Variants in SLF2 observed in about 807,000 individuals in gnomAD.
The protein encoded by SLF2 is SMC5/6 complex localization factor 2, also known as SMC5-SMC6 complex localization factor protein 2.
SLF2 carries 68 observed loss-of-function variants against 124.3 expected under a neutral mutation model. That is an observed-to-expected ratio of 0.55 (90% CI 0.45 to 0.67). The LOEUF (loss-of-function observed/expected upper bound fraction) is 0.67, where lower values mean the gene tolerates loss of function less well. SLF2 is among the 30% of genes least tolerant of loss of function. The probability of loss-of-function intolerance (pLI) is 0.00; values close to 1 mark genes in which losing one functional copy is unlikely to be tolerated. For synonymous variants in SLF2, 480 were observed against 478.8 expected (o/e 1.00, Z -0.03); for missense variants, 1,246 against 1,373.7 (o/e 0.91, Z 1.47).
At chr10:100,920,142 A>G (rs1037871187) in intron 4 of SLF2, among the ~76,000 whole-genome samples, 1 of 152,246 alleles carries the variant, frequency 6.6e-6, no homozygotes, top group African/African-American at 2.4e-5. Flanking sequence ...GGAATTTCTC[A>G]GCCAGGAGAT....
rs1850114478 is a variant in SLF2, at chr10:100,946,854, T to A, written c.2935-185T>A. ...TCTGTTCAGTCCATTTAAGATAGTATAAGTAAAACTGAATCTGTGTATTGT... is the reference window on the plus strand; with the variant it reads ...TCTGTTCAGTCCATTTAAGATAGTAAAAGTAAAACTGAATCTGTGTATTGT... On this transcript the variant is annotated intron_variant, in intron 13 of 19. Transcript: ENST00000238961. Among the ~76,000 whole-genome samples the A allele has an allele frequency of 2.0e-5, 3 of 152,252 alleles. No homozygotes were observed. In the South Asian group the frequency reaches 6.2e-4, roughly 31 times the overall value.
intron 1 of SLF2, 197 bp downstream of exon 1, chr10:100,913,447 G>T: frequency 7.6e-7 from 1 of 1,324,394 alleles, no homozygotes; most frequent in Non-Finnish European, 9.6e-7. Flanking sequence ...TAGTTGGGCA[G>T]CTGCTCTTGG....
chr10:100,917,710 G>A (rs1849444977), intron 3 of SLF2, among the ~76,000 whole-genome samples: 1 of 152,044 alleles, frequency 6.6e-6, no homozygotes, highest in South Asian at 2.1e-4. Context: ...CCAAGTAGTC[G>A]AGACTCCAGG....
intron 18 of SLF2, among the ~76,000 whole-genome samples, chr10:100,957,199 C>G (rs575894289): frequency 7.2e-5 from 11 of 152,074 alleles, no homozygotes; most frequent in African/African-American, 2.4e-4. Flanking sequence ...TAAATAAATA[C>G]GTAAGTTATG....
At chr10:100,944,251 T>A in intron 12 of SLF2, 123 bp downstream of exon 12, 1 of 554,310 alleles carries the variant, frequency 1.8e-6, no homozygotes, top group Non-Finnish European at 3.1e-6. Context: ...ATCCCAGCAC[T>A]TTGGGAGGCC....
At chr10:100,913,570 T>G in intron 1 of SLF2, 1 of 1,203,070 alleles carries the variant, frequency 8.3e-7, no homozygotes, top group Non-Finnish European at 1.0e-6. Flanking sequence ...AATGCATATT[T>G]AGATCGTTTT....
At chr10:100,954,802 T>A (rs1032701494) in intron 17 of SLF2, among the ~76,000 whole-genome samples, 5 of 152,052 alleles carry the variant, frequency 3.3e-5, no homozygotes, top group Non-Finnish European at 5.9e-5. Flanking sequence ...ACTAGCTAAG[T>A]GTGGTGGCAC....
At chr10:100,923,103 C>A (rs1326235144) in intron 4 of SLF2, among the ~76,000 whole-genome samples, 1 of 152,070 alleles carries the variant, frequency 6.6e-6, no homozygotes, top group Non-Finnish European at 1.5e-5. Context: ...AAAACTGGTT[C>A]ATTCAAATGT....
chr10:100,917,474 C>T lies in SLF2; in HGVS notation c.915+174C>T, dbSNP rs554665831. On this transcript the variant is annotated intron_variant, in intron 3 of 19. Transcript: ENST00000238961. ...TACATTTCCTCCAGTTGCCCTTCAT[C>T]GAACTCAGTAAAGCAGTGTTTCTTA... Among the ~76,000 whole-genome samples the T allele has an allele frequency of 5.3e-5, 8 of 152,268 alleles. No individual in the cohort carries two copies. In the South Asian group the frequency reaches 1.2e-3, roughly 24 times the overall value.
Position 100,924,983 on chromosome 10 carries a change from C to T in SLF2, c.1971+11C>T, listed in dbSNP as rs772462792. The stretch of plus-strand genomic sequence containing the variant: ...TCATCAGACTATACAGTAAGTAGTT[C>T]TGTGACGTTTATCTTTACTTGAAGA... On this transcript the variant is annotated intron_variant, in intron 5 of 19. Transcript: ENST00000238961. The T allele has an allele frequency of 6.3e-7, 1 of 1,588,034 alleles. No individual in the cohort carries two copies. Among genetic ancestry groups the T allele is most frequent in the Non-Finnish European group, 8.6e-7 (1 of 1,168,168 alleles).
intron 15 of SLF2, among the ~76,000 whole-genome samples, chr10:100,948,391 G>A (rs3885273): frequency 0.34 from 51,673 of 152,110 alleles, 10,462 homozygotes; most frequent in Middle Eastern, 0.54. Flanking sequence ...AGCTACTTGG[G>A]AGGCTGAGGC....
Position 100,917,141 on chromosome 10 carries a change from G to A in SLF2, c.756G>A (p.Leu252=). 1 of 1,614,146 alleles carries A rather than the reference G, an allele frequency of 6.2e-7. No individual in the cohort carries two copies. The highest frequency in any genetic ancestry group is 1.1e-5 in the South Asian group (1 of 91,066). Residue 252 remains leucine (L), a synonymous_variant, in exon 3 of 20, where the codon TTG becomes TTA. Coordinates refer to ENST00000238961, the MANE Select transcript of SLF2 (RefSeq NM_018121.4). ...SYCRERELKR[L]RKEQMEQRIN... Reference sequence around the variant, plus strand: ...GCAGAGAACGAGAACTAAAGAGGTTGAGAAAGGAGCAAATGGAGCAGAGAA... The same window carrying A: ...GCAGAGAACGAGAACTAAAGAGGTTAAGAAAGGAGCAAATGGAGCAGAGAA...
rs548473767 is a variant in SLF2 at position 100,926,266 on chromosome 10, G to A, written c.2042+247G>A. 4.7e-6 allele frequency: 7 copies of A among 1,500,054 alleles called. No individual in the cohort carries two copies. The South Asian group carries it at 5.1e-5, about 11-fold the overall frequency. 92.9% of individuals were successfully genotyped at this position (1,500,054 alleles called of 1,614,324 possible). Reference sequence around the variant, plus strand: ...CAAGGCTGCGGTGAGTCGTGATGGCGCCACTTCACTGCAGCCTGGGTGGCA... The same window carrying A: ...CAAGGCTGCGGTGAGTCGTGATGGCACCACTTCACTGCAGCCTGGGTGGCA... On this transcript the variant is annotated intron_variant, in intron 6 of 19. Transcript: ENST00000238961.
chr10:100,936,656 T>C (rs1157482762), intron 9 of SLF2, among the ~76,000 whole-genome samples: 2 of 152,144 alleles, frequency 1.3e-5, no homozygotes. Flanking sequence ...CTGTTTTTAT[T>C]ACATCTCTTT....
Position 100,931,046 on chromosome 10 carries a change from T to TGTCC in SLF2, c.2405_2408dup (p.Val804SerfsTer34), listed in dbSNP as rs1443005771. On this transcript the variant is annotated frameshift_variant, in exon 9 of 20. Transcript: ENST00000238961. LOFTEE classifies it high-confidence loss of function. ...TACGTCTGCTTATCACTATGTCCAG[T>TGTCC]GTCCTGTCCCTGTGTTAAAGTGGCT... 6.2e-7 allele frequency: 1 copy of TGTCC among 1,614,018 alleles called. No individual in the cohort carries two copies. The highest frequency in any genetic ancestry group is 8.5e-7 in the Non-Finnish European group (1 of 1,179,936).
rs71013474 is a variant in SLF2 at position 100,928,079 on chromosome 10, C to CAG, written c.2043-1214_2043-1213dup. 6.3e-3 allele frequency among the ~76,000 whole-genome samples: 715 copies of CAG among 113,048 alleles called. 7 individuals are homozygous for CAG. Among genetic ancestry groups the CAG allele is most frequent in the African/African-American group, 0.02 (572 of 28,412 alleles). The allele number at this position is 113,048 out of a possible 152,430, so 74.2% of individuals were successfully genotyped here. A position where few individuals can be genotyped will look rare whatever the true frequency, so the allele number is the denominator to read the frequency against. On this transcript the variant is annotated intron_variant, in intron 6 of 19. Coordinates refer to ENST00000238961, the MANE Select transcript of SLF2 (RefSeq NM_018121.4). ...CACACACACACACACGAGAGAGAGA[C>CAG]AGAGAGAGAGAGAGAGAGAGAGAGA...
chr10:100,941,317 ATTCTT>A lies in SLF2; in HGVS notation c.2654+2587_2654+2591del, dbSNP rs1047474270. Among the ~76,000 whole-genome samples, 26 of 152,332 alleles carry A rather than the reference ATTCTT, an allele frequency of 1.7e-4. No homozygotes were observed. In the East Asian group the frequency reaches 2.3e-3, roughly 14 times the overall value. ...TCAGATATTAAGGGATACTAGTACAATTCTTTTCTTGACCATTATTCTGCTAGATA... is the reference window on the plus strand; with the variant it reads ...TCAGATATTAAGGGATACTAGTACAATTCTTGACCATTATTCTGCTAGATA... On this transcript the variant is annotated intron_variant, in intron 11 of 19. Transcript: ENST00000238961.
At chr10:100,930,678 A>AT (rs1022118717) in intron 8 of SLF2, among the ~76,000 whole-genome samples, 3 of 152,142 alleles carry the variant, frequency 2.0e-5, no homozygotes, top group African/African-American at 7.2e-5. Context: ...TCTGCTGCCA[A>AT]TTTTTTAAAG....
intron 17 of SLF2, among the ~76,000 whole-genome samples, chr10:100,954,994 C>CAG (rs990144885): frequency 6.7e-6 from 1 of 148,942 alleles, no homozygotes; most frequent in Non-Finnish European, 1.5e-5. Context: ...GGCTGGAGTG[C>CAG]AGTGGCACAG....
Sources: gnomAD v4.1 joint callset for allele counts (sites outside exome capture counted in the v4.1 genomes callset) on GRCh38, gnomAD v4.1.1 for gene constraint, MANE v1.5 for transcripts, NCBI Gene and HGNC (gene_info 2026-07-23, HGNC 2026-07-21) for gene names.